FEZF1: variants seen among roughly 807,000 people sequenced by gnomAD.
FEZF1 encodes fez family zinc finger protein 1.
FEZF1 carries 8 observed loss-of-function variants against 32.4 expected under a neutral mutation model. That is an observed-to-expected ratio of 0.25 (90% CI 0.15 to 0.45). The LOEUF is 0.45. Among genes scored for constraint, FEZF1 ranks in the 20% least tolerant of loss-of-function variants. The pLI is 1.00. For missense variants in FEZF1, 546 were observed against 622.3 expected, an observed-to-expected ratio of 0.88 and a Z score of 1.31; for synonymous variants, 259 against 265.2, an observed-to-expected ratio of 0.98 and a Z score of 0.23.
In FEZF1 at chr7:122,304,105, C is replaced by G; in HGVS notation, c.333G>C (p.Ser111=). 1 of 1,582,790 alleles carries G rather than the reference C, an allele frequency of 6.3e-7. No homozygotes were observed. Among genetic ancestry groups the G allele is most frequent in the South Asian group, 1.1e-5 (1 of 89,042 alleles). The change falls in exon 1 of 4, where the codon TCG becomes TCC. Residue 111 remains serine, a synonymous_variant. Transcript: ENST00000442488. ...GGTCGCTGCAGCTGAATGCGGGAGC[C>G]GAGGGCACCGCCGCGGGCGCCGCCG... is the stretch of plus-strand genomic sequence containing the variant. ...EAPAAPAAVP[S]APAFSCSDLL... is the part of the protein sequence containing the mutation.
intron 1 of FEZF1, 101 bp downstream of exon 1, chr7:122,303,536 A>AGGAAGGAGGGAGGGAG (rs1455041615): frequency 4.0e-5 from 13 of 325,276 alleles, no homozygotes; most frequent in African/African-American, 1.2e-4. Flanking sequence ...GAAGGAAGGA[A>AGGAAGGAGGGAGGGAG]GGAGGGAGGG....
At chr7:122,310,623 T>G (rs2031397855) in exon 1 of FEZF1, 1 of 152,124 alleles carries the variant, frequency 6.6e-6, no homozygotes. Context: ...GGGCTGGGGC[T>G]CCCAAGCGTC....
chr7:122,301,885 T>TG lies in FEZF1; in HGVS notation c.*111dup. Reference sequence around the variant, plus strand: ...CAGAGGCTTCTGGTCGGCCCTGAAGTGTGGGGCCCAACATGCCCTGGGGTC... The same window carrying TG: ...CAGAGGCTTCTGGTCGGCCCTGAAGTGGTGGGGCCCAACATGCCCTGGGGTC... On this transcript the variant is annotated 3_prime_UTR_variant, in exon 4 of 4. Coordinates refer to ENST00000442488, the MANE Select transcript of FEZF1 (RefSeq NM_001024613.4). 7 of 1,446,674 alleles carry TG rather than the reference T, an allele frequency of 4.8e-6. No individual in the cohort carries two copies. Among genetic ancestry groups the TG allele is most frequent in the Non-Finnish European group, 6.4e-6 (7 of 1,088,092 alleles). 89.6% of individuals were successfully genotyped at this position (1,446,674 alleles called of 1,614,324 possible).
At position 122,304,290 on chromosome 7, in the gene FEZF1, G is replaced by A. The variant is rs769179733; in HGVS notation, c.148C>T (p.His50Tyr). 5 of 1,612,484 alleles carry A rather than the reference G, an allele frequency of 3.1e-6. No individual in the cohort carries two copies. In the Admixed American group the frequency reaches 6.7e-5, roughly 22 times the overall value. The change falls in exon 1 of 4, where the codon CAC becomes TAC. Residue 50 changes from histidine (H) to tyrosine (Y), a missense_variant. This residue lies in a region of FEZF1 where 345 missense variants were observed against 360.6 expected (regional missense o/e 0.96). Coordinates refer to ENST00000442488, the MANE Select transcript of FEZF1 (RefSeq NM_001024613.4). ...TTGGGTAAGGCTCCCTGCAGGAAGT[G>A]GGGGACTGGCAGGGCCTTGGGCTCT... Reference protein sequence around the residue: ...TPEPKALPVPHFLQGALPKGE... With the variant: ...TPEPKALPVPYFLQGALPKGE...
At position 122,304,489 on chromosome 7, in the gene FEZF1, CTT is replaced by C; in HGVS notation, c.-54_-53del. On this transcript the variant is annotated 5_prime_UTR_variant, in exon 1 of 4. Transcript: ENST00000442488. Reference sequence around the variant, plus strand: ...GGGGCTGGGTTGCGCCGTCCGTTGCCTTGTTCCCTGCTTGTCACAGACCTGCG... The same window carrying C: ...GGGGCTGGGTTGCGCCGTCCGTTGCCGTTCCCTGCTTGTCACAGACCTGCG... The C allele has an allele frequency of 6.8e-7, 1 of 1,472,348 alleles. No homozygotes were observed. The highest frequency in any genetic ancestry group is 9.1e-7 in the Non-Finnish European group (1 of 1,095,746). 91.2% of individuals were successfully genotyped at this position (1,472,348 alleles called of 1,614,324 possible).
exon 1 of FEZF1, chr7:122,310,309 G>C (rs899986517): frequency 1.3e-5 from 2 of 152,202 alleles, no homozygotes; most frequent in Non-Finnish European, 2.9e-5. Context: ...CTGCCCAGGG[G>C]AACCAAGTTC....
chr7:122,302,903 C>A lies in FEZF1; in HGVS notation c.965G>T (p.Gly322Val). 6.2e-7 allele frequency: 1 copy of A among 1,612,970 alleles called. No individual in the cohort carries two copies. Among genetic ancestry groups the A allele is most frequent in the Non-Finnish European group, 8.5e-7 (1 of 1,179,384 alleles). ...QEKPHKCNQC[G>V]KAFNRSSTLN... ...AGTGGAACTTCTATTAAATGCTTTGCCACACTGGTTACATTTGTGAGGTTT... is the reference window on the plus strand; with the variant it reads ...AGTGGAACTTCTATTAAATGCTTTGACACACTGGTTACATTTGTGAGGTTT... The change falls in exon 3 of 4, where the codon GGC (glycine) becomes GTC (valine). Residue 322 changes from glycine to valine, a missense_variant. Gly to Val is a moderately radical substitution (Grantham distance 109). Transcript: ENST00000442488. This position sits in a 1 kb window ranked among gnomAD's most constrained non-coding sequence, Gnocchi z 4.4.
Position 122,302,704 on chromosome 7 carries a change from C to A in FEZF1, c.1069+95G>T. 16 of 1,391,580 alleles carry A rather than the reference C, an allele frequency of 1.1e-5. No individual in the cohort carries two copies. Among genetic ancestry groups the A allele is most frequent in the Non-Finnish European group, 1.6e-5 (16 of 989,408 alleles). The allele number at this position is 1,391,580 out of a possible 1,614,324, so 86.2% of individuals were successfully genotyped here. ...GAATGGCAACAAAAGTGCCACATAA[C>A]TACACTTTAAACATCGTCTTCTAAA... On this transcript the variant is annotated intron_variant, in intron 3 of 3. Transcript: ENST00000442488. The surrounding 1 kb of genome is among the most constrained non-coding windows in gnomAD (Gnocchi z 4.4).
At position 122,302,037 on chromosome 7, in the gene FEZF1, G is replaced by A. The variant is rs1215652804; in HGVS notation, c.1388C>T (p.Pro463Leu). Residue 463 changes from proline (P) to leucine (L), a missense_variant, in exon 4 of 4, where the codon CCG (proline) becomes CTG (leucine). By Grantham distance (98) the Pro-to-Leu change is moderately conservative (BLOSUM62 -3). Transcript: ENST00000442488. The surrounding 1 kb of genome is among the most constrained non-coding windows in gnomAD (Gnocchi z 4.4). Reference sequence around the variant, plus strand: ...GTGGAGCCCGGGCTGCAGGGGCCCCGGGGTTGGCAGCGGCGGCTGCAGAGG... The same window carrying A: ...GTGGAGCCCGGGCTGCAGGGGCCCCAGGGTTGGCAGCGGCGGCTGCAGAGG... ...LPPLQPPLPT[P>L]GPLQPGLHQG... 4.4e-6 allele frequency: 7 copies of A among 1,601,520 alleles called. No individual in the cohort carries two copies. Among genetic ancestry groups the A allele is most frequent in the Middle Eastern group, 1.7e-4 (1 of 5,802 alleles).
At position 122,304,004 on chromosome 7, in the gene FEZF1, C is replaced by T; in HGVS notation, c.434G>A (p.Arg145Lys). The T allele has an allele frequency of 6.4e-7, 1 of 1,570,294 alleles. No individual in the cohort carries two copies. Among genetic ancestry groups the T allele is most frequent in the Non-Finnish European group, 8.6e-7 (1 of 1,158,298 alleles). Residue 145 changes from arginine to lysine, a missense_variant, in exon 1 of 4, where the codon AGG (arginine) becomes AAG (lysine). By Grantham distance (26) the Arg-to-Lys change is conservative (BLOSUM62 2). This residue lies in a region of FEZF1 where 345 missense variants were observed against 360.6 expected (regional missense o/e 0.96). Transcript: ENST00000442488. Reference sequence around the variant, plus strand: ...TGAAGAGTGGTTGACCACACGCGGCCTTACCAGCTTGTACTGCTGCAGCGG... The same window carrying T: ...TGAAGAGTGGTTGACCACACGCGGCTTTACCAGCTTGTACTGCTGCAGCGG... Reference protein sequence around the residue: ...ALPLQQYKLVRPRVVNHSSFH... With the variant: ...ALPLQQYKLVKPRVVNHSSFH...
At chr7:122,303,579 AAGG>A in intron 1 of FEZF1, 55 bp downstream of exon 1, 4 of 1,128,228 alleles carry the variant, frequency 3.5e-6, no homozygotes, top group South Asian at 1.4e-5. Flanking sequence ...GGAGGGAGGG[AAGG>A]AAGGAAGGAA....
At chr7:122,306,050 T>G (rs1461991472), upstream of FEZF1, 2 of 152,222 alleles carry the variant, frequency 1.3e-5, no homozygotes. Context: ...GGCGCGCACC[T>G]TCCCCGGCGC....
upstream of FEZF1, chr7:122,306,816 T>G (rs2031295746): frequency 6.6e-6 from 1 of 152,274 alleles, no homozygotes; most frequent in Non-Finnish European, 1.5e-5. Flanking sequence ...GTTTCAGGCC[T>G]CGAGGTGGCT....
In FEZF1 at chr7:122,301,750, A is replaced by G. The variant is rs558220470; in HGVS notation, c.*247T>C. 1.5e-4 allele frequency: 63 copies of G among 420,208 alleles called. No individual in the cohort carries two copies. Among genetic ancestry groups the G allele is most frequent in the African/African-American group, 1.2e-3 (58 of 48,806 alleles). The allele number at this position is 420,208 out of a possible 1,614,324, so 26.0% of individuals were successfully genotyped here. Reference sequence around the variant, plus strand: ...ATTAAAAAAAAAGAAAAAGAAAAACAGAAAACAAGCAAAACCCTCCAAATT... The same window carrying G: ...ATTAAAAAAAAAGAAAAAGAAAAACGGAAAACAAGCAAAACCCTCCAAATT... On this transcript the variant is annotated 3_prime_UTR_variant, in exon 4 of 4. Transcript: ENST00000442488.
In FEZF1 at chr7:122,303,989, T is replaced by C. The variant is rs771460949; in HGVS notation, c.449A>G (p.Asn150Ser). The change falls in exon 1 of 4, where the codon AAC (asparagine) becomes AGC (serine). Residue 150 changes from asparagine (N) to serine (S), a missense_variant. Transcript: ENST00000442488. ...GCCCATGGCGTGGAATGAAGAGTGGTTGACCACACGCGGCCTTACCAGCTT... is the reference window on the plus strand; with the variant it reads ...GCCCATGGCGTGGAATGAAGAGTGGCTGACCACACGCGGCCTTACCAGCTT... ...QYKLVRPRVV[N>S]HSSFHAMGAL... 16 of 1,579,412 alleles carry C rather than the reference T, an allele frequency of 1.0e-5. No homozygotes were observed. The highest frequency in any genetic ancestry group is 1.4e-5 in the African/African-American group (1 of 73,960).
At chr7:122,305,607 G>A (rs1235565403), upstream of FEZF1, 2 of 152,254 alleles carry the variant, frequency 1.3e-5, no homozygotes, top group Non-Finnish European at 2.9e-5. Flanking sequence ...TTTCCATTGA[G>A]AGTCTGGAAA....
At position 122,302,996 on chromosome 7, in the gene FEZF1, C is replaced by A; in HGVS notation, c.937-65G>T. ...TTCTAATTATGTGAAGTTCTGCAAG[C>A]TCAAAACACAGTAATGCTTAAACAC... On this transcript the variant is annotated intron_variant, in intron 2 of 3. Coordinates refer to ENST00000442488, the MANE Select transcript of FEZF1 (RefSeq NM_001024613.4). The surrounding 1 kb of genome is among the most constrained non-coding windows in gnomAD (Gnocchi z 4.4). The A allele has an allele frequency of 1.3e-6, 2 of 1,556,294 alleles. No homozygotes were observed. The highest frequency in any genetic ancestry group is 1.7e-6 in the Non-Finnish European group (2 of 1,148,168).
upstream of FEZF1, chr7:122,306,305 G>T (rs1034404548): frequency 4.7e-4 from 71 of 152,616 alleles, no homozygotes; most frequent in Non-Finnish European, 8.8e-5. Context: ...GGTGGCGGGT[G>T]TCAGGTATTG....
chr7:122,303,049 C>T, intron 2 of FEZF1, 118 bp from the exon 3 acceptor site: 1 of 1,523,656 alleles, frequency 6.6e-7, no homozygotes. Flanking sequence ...GCAAACAATA[C>T]ATGGCATTCA....
Sources: gnomAD v4.1 joint callset for allele counts on GRCh38, gnomAD v4.1.1 for gene constraint, gnomAD v4.1.1 regional missense constraint, Gnocchi (gnomAD v3.1) non-coding constraint, MANE v1.5 for transcripts, NCBI Gene and HGNC (gene_info 2026-07-23, HGNC 2026-07-21) for gene names.